KIAA1217: variants seen among roughly 807,000 people sequenced by gnomAD.
The protein encoded by KIAA1217 is KIAA1217, also known as sickle tail protein homolog.
A neutral mutation model predicts 163.9 loss-of-function variants in KIAA1217; 88 were observed. That is an observed-to-expected ratio of 0.54 (90% confidence interval 0.45 to 0.64). The LOEUF is 0.64. KIAA1217 is among the 30% of genes least tolerant of loss of function. The pLI is 0.00. For missense variants in KIAA1217, 2,372 were observed against 2,475.0 expected (o/e 0.96, Z 0.88); for synonymous variants, 903 against 923.1 (o/e 0.98, Z 0.39).
intron 2 of KIAA1217, among the ~76,000 whole-genome samples, chr10:24,078,056 T>G (rs954747936): frequency 6.6e-6 from 1 of 152,256 alleles, no homozygotes; most frequent in Non-Finnish European, 1.5e-5. Flanking sequence ...TCTTGTAAAT[T>G]TATTAAAGTT....
rs61345194 is a variant in KIAA1217 at position 24,386,563 on chromosome 10, T to TTTTA, written c.553+5521_553+5524dup. 7.3e-3 allele frequency among the ~76,000 whole-genome samples: 1,101 copies of TTTTA among 150,372 alleles called. 17 individuals are homozygous for TTTTA. Among genetic ancestry groups the TTTTA allele is most frequent in the South Asian group, 0.018 (84 of 4,718 alleles). On this transcript the variant is annotated intron_variant, in intron 3 of 20. Transcript: ENST00000376454. ...TCTTGAATATTCAAAAATAAATCTA[T>TTTTA]TTTATTTATTTATTTATTTATTTAT...
chr10:24,248,698 T>TG (rs2074133136), intron 2 of KIAA1217, among the ~76,000 whole-genome samples: 1 of 111,152 alleles, frequency 9.0e-6, no homozygotes, highest in Non-Finnish European at 1.8e-5. Context: ...AAAAAAAAAA[T>TG]GTCCCTCATA....
At chr10:23,934,068 A>G (rs182915695) in intron 1 of KIAA1217, among the ~76,000 whole-genome samples, 54 of 152,304 alleles carry the variant, frequency 3.5e-4, no homozygotes, top group African/African-American at 1.2e-3. Context: ...AAATCATTCT[A>G]CTATAAAAAC....
At chr10:24,242,769 TAAC>T (rs1326365165) in intron 2 of KIAA1217, among the ~76,000 whole-genome samples, 1 of 152,206 alleles carries the variant, frequency 6.6e-6, no homozygotes, top group Non-Finnish European at 1.5e-5. Flanking sequence ...GACTTTTTAA[TAAC>T]AACCATTCTG....
At chr10:24,395,244 T>G (rs376437926) in intron 3 of KIAA1217, among the ~76,000 whole-genome samples, 59 of 152,284 alleles carry the variant, frequency 3.9e-4, no homozygotes, top group African/African-American at 1.4e-3. Context: ...GATCCCTACT[T>G]GATCTCTGAA....
chr10:24,459,840 A>AGGATCACTT (rs2062187933), intron 5 of KIAA1217, among the ~76,000 whole-genome samples: 1 of 152,168 alleles, frequency 6.6e-6, no homozygotes, highest in African/African-American at 2.4e-5. Flanking sequence ...CTGAGGTGGG[A>AGGATCACTT]GGATCACTTG....
At chr10:24,379,393 A>G (rs1157163163) in intron 2 of KIAA1217, among the ~76,000 whole-genome samples, 1 of 152,188 alleles carries the variant, frequency 6.6e-6, no homozygotes, top group African/African-American at 2.4e-5. Flanking sequence ...AGACAATTTC[A>G]CTGTTAATGC....
chr10:24,375,752 T>A (rs2052393807), intron 2 of KIAA1217, among the ~76,000 whole-genome samples: 2 of 152,218 alleles, frequency 1.3e-5, no homozygotes, highest in African/African-American at 4.8e-5. Context: ...TTAATTAGGA[T>A]GAAGTAAAAC....
At chr10:24,263,662 G>A (rs527589077) in intron 2 of KIAA1217, among the ~76,000 whole-genome samples, 34 of 152,202 alleles carry the variant, frequency 2.2e-4, no homozygotes, top group African/African-American at 7.7e-4. Flanking sequence ...GGTGTGAGGC[G>A]CTGTTTCCTT....
intron 1 of KIAA1217, among the ~76,000 whole-genome samples, chr10:23,979,122 G>A (rs1005028321): frequency 6.6e-6 from 1 of 151,998 alleles, no homozygotes; most frequent in Non-Finnish European, 1.5e-5. Flanking sequence ...AATGACAAAA[G>A]GTCTTGATTA....
At chr10:23,965,499 A>G (rs889596035) in intron 1 of KIAA1217, among the ~76,000 whole-genome samples, 5 of 152,220 alleles carry the variant, frequency 3.3e-5, no homozygotes, top group Non-Finnish European at 5.9e-5. Context: ...CTGGACCTGG[A>G]CATCACTCTA....
At chr10:24,064,553 T>C (rs555992740) in intron 2 of KIAA1217, among the ~76,000 whole-genome samples, 171 of 152,368 alleles carry the variant, frequency 1.1e-3, no homozygotes, top group Admixed American at 2.0e-3. Flanking sequence ...CAGTATTTTA[T>C]TGAGGATTTT....
intron 2 of KIAA1217, among the ~76,000 whole-genome samples, chr10:24,345,452 A>G (rs1404141121): frequency 1.3e-5 from 2 of 152,250 alleles, no homozygotes; most frequent in African/African-American, 4.8e-5. Flanking sequence ...AGGTAAGGGC[A>G]TGGTTTAAGA....
intron 1 of KIAA1217, among the ~76,000 whole-genome samples, chr10:23,703,797 T>G (rs1411418241): frequency 6.6e-6 from 1 of 152,056 alleles, no homozygotes; most frequent in African/African-American, 2.4e-5. Context: ...TCAGCAAACT[T>G]GTTGTATAAA....
Position 24,309,056 on chromosome 10 carries a change from G to A in KIAA1217, c.355-71813G>A, listed in dbSNP as rs1237205199. ...GAGGATCACTTGAACCCAGGAGGCG[G>A]AGGTTGCAGTGAGCTGAGATCACAC... On this transcript the variant is annotated intron_variant, in intron 2 of 20. Coordinates refer to ENST00000376454, the MANE Select transcript of KIAA1217 (RefSeq NM_019590.5). 4.0e-5 allele frequency among the ~76,000 whole-genome samples: 6 copies of A among 151,054 alleles called. No homozygotes were observed. In the East Asian group the frequency reaches 1.2e-3, roughly 30 times the overall value.
At chr10:24,387,016 G>T (rs1333332446) in intron 3 of KIAA1217, among the ~76,000 whole-genome samples, 1 of 152,248 alleles carries the variant, frequency 6.6e-6, no homozygotes, top group Non-Finnish European at 1.5e-5. Flanking sequence ...TCGCAGAAGG[G>T]AGTTTCATAG....
intron 1 of KIAA1217, among the ~76,000 whole-genome samples, chr10:24,211,966 C>T (rs2068186462): frequency 6.6e-6 from 1 of 151,730 alleles, no homozygotes; most frequent in African/African-American, 2.4e-5. Context: ...ATCACTTCAG[C>T]CAGGAGGTTG....
At chr10:24,268,079 C>T (rs1366529986) in intron 2 of KIAA1217, among the ~76,000 whole-genome samples, 3 of 152,118 alleles carry the variant, frequency 2.0e-5, no homozygotes, top group African/African-American at 2.4e-5. Context: ...GTAAGCTACG[C>T]GGGCAGGCAC....
At chr10:24,116,893 T>C (rs12255592) in intron 2 of KIAA1217, among the ~76,000 whole-genome samples, 5,281 of 152,272 alleles carry the variant, frequency 0.035, 302 homozygotes, top group African/African-American at 0.12. Flanking sequence ...ATTTGTAATA[T>C]GAAAGATAGT....
Sources: gnomAD v4.1 joint callset for allele counts (sites outside exome capture counted in the v4.1 genomes callset) on GRCh38, gnomAD v4.1.1 for gene constraint, MANE v1.5 for transcripts, NCBI Gene and HGNC (gene_info 2026-07-23, HGNC 2026-07-21) for gene names.